FKTN: variants seen among roughly 807,000 people sequenced by gnomAD.
FKTN encodes fukutin.
In FKTN, 47 loss-of-function variants were observed where a neutral mutation model predicts 58.6. The ratio of observed to expected loss-of-function variants is 0.80; its 90% confidence interval spans 0.63 to 1.02. FKTN has a LOEUF of 1.02. Among genes scored for constraint, FKTN ranks in the 50% least tolerant of loss-of-function variants. The probability of loss-of-function intolerance (pLI) is 0.00; values close to 1 mark genes in which losing one functional copy is unlikely to be tolerated. For synonymous variants in FKTN, 178 were observed against 191.9 expected, an observed-to-expected ratio of 0.93 and a Z score of 0.60; for missense variants, 516 against 537.3, an observed-to-expected ratio of 0.96 and a Z score of 0.39.
At chr9:105,607,993 G>T (rs1292259222) in intron 7 of FKTN, 42 bp downstream of exon 7, 37 of 1,562,998 alleles carry the variant, frequency 2.4e-5, no homozygotes, top group Middle Eastern at 1.7e-4. Context: ...TAAAGAAAAT[G>T]TTGGGATTAT....
intron 2 of FKTN, among the ~76,000 whole-genome samples, chr9:105,574,553 C>T (rs150060952): frequency 2.3e-4 from 35 of 151,782 alleles, no homozygotes; most frequent in African/African-American, 8.2e-4. Flanking sequence ...TGACTAAAAA[C>T]GGTCTCAGTT....
chr9:105,601,256 A>G lies in FKTN; in HGVS notation c.277A>G (p.Thr93Ala), dbSNP rs886063319. The stretch of plus-strand genomic sequence containing the variant: ...TAAGAACTTTGAACAAGTCAAAAAT[A>G]CTTCTCATGGCTCTACTTCACAATG... ...INKNFEQVKN[T>A]SHGSTSQCKF... The change falls in exon 5 of 11, where the codon ACT (threonine) becomes GCT (alanine). Residue 93 changes from threonine to alanine, a missense_variant. Transcript: ENST00000357998. 6.8e-6 allele frequency: 11 copies of G among 1,612,312 alleles called. No homozygotes were observed. The highest frequency in any genetic ancestry group is 9.3e-6 in the Non-Finnish European group (11 of 1,178,866).
chr9:105,618,158 A>C, intron 9 of FKTN, 66 bp downstream of exon 9: 1 of 1,292,474 alleles, frequency 7.7e-7, no homozygotes, highest in Non-Finnish European at 1.1e-6. Context: ...TACATTAAGC[A>C]ACTCAGATAT....
At chr9:105,564,780 T>C (rs1839058327) in intron 1 of FKTN, among the ~76,000 whole-genome samples, 1 of 152,096 alleles carries the variant, frequency 6.6e-6, no homozygotes, top group Non-Finnish European at 1.5e-5. Context: ...AACATTCAAA[T>C]TCAGGAAGTA....
In FKTN at chr9:105,571,355, C is replaced by T. The variant is rs115011592; in HGVS notation, c.-180-2300C>T. ...TGGTTACTGAATATTCCTAATGAAG[C>T]GGTAGTGCTAGTGAAAAGGAACATT... On this transcript the variant is annotated intron_variant, in intron 1 of 10. Transcript: ENST00000357998. Among the ~76,000 whole-genome samples the T allele has an allele frequency of 6.0e-4, 91 of 152,082 alleles. 1 individual carries two copies. The highest frequency in any genetic ancestry group is 9.3e-4 in the Non-Finnish European group (63 of 67,966).
chr9:105,605,342 A>G (rs1828704195), intron 6 of FKTN, among the ~76,000 whole-genome samples: 1 of 152,150 alleles, frequency 6.6e-6, no homozygotes, highest in South Asian at 2.1e-4. Flanking sequence ...GGTAAGACTA[A>G]TTTATTTTCC....
chr9:105,585,425 T>A (rs1461400965), intron 3 of FKTN, among the ~76,000 whole-genome samples: 1 of 152,042 alleles, frequency 6.6e-6, no homozygotes, highest in African/African-American at 2.4e-5. Flanking sequence ...TCTCAAAAAA[T>A]AAATAAATAA....
intron 10 of FKTN, among the ~76,000 whole-genome samples, chr9:105,625,300 T>A (rs778558672): frequency 6.6e-6 from 1 of 152,220 alleles, no homozygotes; most frequent in Non-Finnish European, 1.5e-5. Context: ...ATGAATATTG[T>A]TGAATGGGGA....
At chr9:105,620,117 G>A in intron 10 of FKTN, 56 bp downstream of exon 10, 1 of 1,475,602 alleles carries the variant, frequency 6.8e-7, no homozygotes. Flanking sequence ...ATTTCAGGAG[G>A]TAGAAATAAA....
At chr9:105,583,794 G>C (rs1203298450) in intron 3 of FKTN, among the ~76,000 whole-genome samples, 1 of 151,962 alleles carries the variant, frequency 6.6e-6, no homozygotes, top group Non-Finnish European at 1.5e-5. Context: ...ATATTTAACT[G>C]TATTTTTGTC....
chr9:105,601,087 A>G, intron 4 of FKTN, 58 bp from the exon 5 acceptor site: 1 of 950,074 alleles, frequency 1.1e-6, no homozygotes, highest in Non-Finnish European at 1.7e-6. Flanking sequence ...AAAATGTTAT[A>G]AAATAGACTG....
rs750176716 is a variant in FKTN, at chr9:105,619,988, GT to G, written c.1106del (p.Phe369SerfsTer37). ...FQGKDDVKLD[V>X]FFFYEETDHM... ...GGGAAAAGATGATGTAAAACTTGAT[GT>G]TTTTTTCTTCTATGAAGAAACTGAT... On this transcript the variant is annotated frameshift_variant, in exon 10 of 11. Coordinates refer to ENST00000357998, the MANE Select transcript of FKTN (RefSeq NM_001079802.2). LOFTEE classifies it high-confidence loss of function. 6.8e-6 allele frequency: 11 copies of G among 1,612,610 alleles called. No homozygotes were observed. The highest frequency in any genetic ancestry group is 6.7e-5 in the East Asian group (3 of 44,790).
intron 8 of FKTN, among the ~76,000 whole-genome samples, chr9:105,615,613 G>A (rs1830664223): frequency 6.6e-6 from 1 of 152,126 alleles, no homozygotes; most frequent in Non-Finnish European, 1.5e-5. Flanking sequence ...GAAAGGCCAT[G>A]GTTGTGTTTA....
chr9:105,573,504 T>G (rs1040300146), intron 1 of FKTN, among the ~76,000 whole-genome samples, 151 bp from the exon 2 acceptor site: 1 of 152,028 alleles, frequency 6.6e-6, no homozygotes, highest in Admixed American at 6.6e-5. Context: ...GGCACATACT[T>G]TTACTCATGG....
chr9:105,632,621 A>G (rs1833626235), intron 10 of FKTN, among the ~76,000 whole-genome samples: 1 of 152,032 alleles, frequency 6.6e-6, no homozygotes, highest in Non-Finnish European at 1.5e-5. Context: ...AAACTGATGA[A>G]ATTATCCAAC....
chr9:105,605,969 G>A (rs1287449045), intron 6 of FKTN, among the ~76,000 whole-genome samples: 1 of 152,096 alleles, frequency 6.6e-6, no homozygotes. Flanking sequence ...ATTATGCATT[G>A]CATGCTTGTA....
chr9:105,577,546 G>C (rs1432745023), intron 3 of FKTN, among the ~76,000 whole-genome samples: 1 of 144,264 alleles, frequency 6.9e-6, no homozygotes, highest in Admixed American at 6.8e-5. Context: ...TTTGGTACCA[G>C]TACCATGCTG....
intron 3 of FKTN, among the ~76,000 whole-genome samples, chr9:105,587,132 T>G (rs1018871570): frequency 2.6e-5 from 4 of 152,170 alleles, no homozygotes; most frequent in Non-Finnish European, 2.9e-5. Context: ...ATGTTTGTAT[T>G]AGGCACTGAG....
At chr9:105,605,685 A>G (rs1588122034) in intron 6 of FKTN, among the ~76,000 whole-genome samples, 1 of 152,278 alleles carries the variant, frequency 6.6e-6, no homozygotes, top group Admixed American at 6.5e-5. Context: ...GGAGTGAAAA[A>G]TGAAAATAAC....
Sources: allele counts gnomAD v4.1 joint callset (sites outside exome capture counted in the v4.1 genomes callset), GRCh38; gene constraint gnomAD v4.1.1; transcripts MANE v1.5; gene names NCBI Gene and HGNC (gene_info 2026-07-23, HGNC 2026-07-21).